The following GALNTL6 variants were observed in gnomAD, a reference collection of about 807,000 sequenced individuals.
GALNTL6 encodes polypeptide N-acetylgalactosaminyltransferase like 6.
GALNTL6 carries 46 observed loss-of-function variants against 73.7 expected under a neutral mutation model. The ratio of observed to expected loss-of-function variants is 0.62; its 90% CI spans 0.49 to 0.80. GALNTL6 has a LOEUF of 0.80. Ranked by LOEUF, GALNTL6 falls within the 30% of genes least tolerant of loss-of-function variation. The pLI, the probability that GALNTL6 is intolerant of heterozygous loss-of-function variation, is 0.00. For missense variants in GALNTL6, 604 were observed against 755.0 expected (o/e 0.80, Z 2.34); for synonymous variants, 259 against 263.7 (o/e 0.98, Z 0.17).
chr4:172,224,275 G>A (rs575401894), intron 2 of GALNTL6, among the ~76,000 whole-genome samples: 11 of 152,260 alleles, frequency 7.2e-5, no homozygotes, highest in African/African-American at 2.2e-4. Flanking sequence ...TCATATGTGA[G>A]CTGAGAGACC....
intron 2 of GALNTL6, among the ~76,000 whole-genome samples, chr4:171,932,040 T>A (rs1341735186): frequency 6.6e-6 from 1 of 152,182 alleles, no homozygotes; most frequent in African/African-American, 2.4e-5. Context: ...TGTTTTTCAT[T>A]TAATAAGTTT....
intron 5 of GALNTL6, among the ~76,000 whole-genome samples, chr4:172,636,541 A>G (rs1241367528): frequency 6.6e-6 from 1 of 152,166 alleles, no homozygotes; most frequent in East Asian, 1.9e-4. Flanking sequence ...CCATGTGACA[A>G]TGGAAGCAGA....
chr4:172,458,223 G>A (rs1385910218), intron 5 of GALNTL6, among the ~76,000 whole-genome samples: 1 of 151,972 alleles, frequency 6.6e-6, no homozygotes, highest in Non-Finnish European at 1.5e-5. Flanking sequence ...TTAAAGCAGT[G>A]TGTAGAAGGA....
chr4:172,961,644 GA>G (rs1382474621), intron 10 of GALNTL6, among the ~76,000 whole-genome samples: 1 of 152,162 alleles, frequency 6.6e-6, no homozygotes, highest in Non-Finnish European at 1.5e-5. Context: ...GAAAGAAATT[GA>G]AATTAAGAGA....
intron 12 of GALNTL6, among the ~76,000 whole-genome samples, chr4:173,035,148 G>A (rs1447015252): frequency 6.7e-6 from 1 of 149,800 alleles, no homozygotes; most frequent in East Asian, 1.9e-4. Flanking sequence ...ACAACATGCA[G>A]GTTTGTTACA....
chr4:172,156,572 C>G (rs5021105), intron 2 of GALNTL6, among the ~76,000 whole-genome samples: 52,507 of 121,826 alleles, frequency 0.43, 11,755 homozygotes, highest in African/African-American at 0.55. Flanking sequence ...TATATACATA[C>G]TATATATATA....
intron 5 of GALNTL6, among the ~76,000 whole-genome samples, chr4:172,398,983 A>G (rs1336929240): frequency 6.6e-6 from 1 of 152,020 alleles, no homozygotes; most frequent in Non-Finnish European, 1.5e-5. Flanking sequence ...AAAAAAATCA[A>G]CCTTTTAGTT....
chr4:173,015,705 A>C lies in GALNTL6; in HGVS notation c.1489-5771A>C, dbSNP rs1752753437. On this transcript the variant is annotated intron_variant, in intron 11 of 12. Transcript: ENST00000506823. ...GCATTCAGGAGGAAGCAGAGCACAA[A>C]ATTTGGAAAATTTGCAGCCTAACGA... Among the ~76,000 whole-genome samples, 3 of 152,224 alleles carry C rather than the reference A, an allele frequency of 2.0e-5. No individual in the cohort carries two copies. The South Asian group carries it at 6.2e-4, about 31-fold the overall frequency.
chr4:172,251,044 A>G (rs1737848863), intron 3 of GALNTL6, among the ~76,000 whole-genome samples: 1 of 152,102 alleles, frequency 6.6e-6, no homozygotes, highest in African/African-American at 2.4e-5. Flanking sequence ...GTTGTCCAAA[A>G]AAAATAAAAT....
chr4:172,319,747 A>T (rs1740690766), intron 4 of GALNTL6, among the ~76,000 whole-genome samples: 1 of 152,176 alleles, frequency 6.6e-6, no homozygotes, highest in Non-Finnish European at 1.5e-5. Context: ...CAAAGGTTGG[A>T]TGTCAGCATA....
At chr4:172,374,557 C>A (rs1179425174) in intron 5 of GALNTL6, among the ~76,000 whole-genome samples, 1 of 152,178 alleles carries the variant, frequency 6.6e-6, no homozygotes, top group African/African-American at 2.4e-5. Context: ...TGGTAGACAT[C>A]ATTGAGTAAT....
intron 8 of GALNTL6, among the ~76,000 whole-genome samples, chr4:172,926,662 C>G (rs1412731441): frequency 1.3e-5 from 2 of 152,206 alleles, no homozygotes; most frequent in Non-Finnish European, 2.9e-5. Context: ...CCAACAAATT[C>G]CTATCTCCCA....
intron 11 of GALNTL6, among the ~76,000 whole-genome samples, chr4:173,014,531 G>A (rs1172336512): frequency 6.6e-6 from 1 of 152,200 alleles, no homozygotes; most frequent in Non-Finnish European, 1.5e-5. Flanking sequence ...AAAGACAGAA[G>A]CAAGCAAATG....
intron 6 of GALNTL6, among the ~76,000 whole-genome samples, chr4:172,812,073 G>A (rs999498218): frequency 2.0e-5 from 3 of 151,946 alleles, no homozygotes; most frequent in Admixed American, 1.3e-4. Flanking sequence ...CAGACAGATG[G>A]AAGGATGGAT....
At chr4:172,835,503 G>A (rs960449772) in intron 7 of GALNTL6, among the ~76,000 whole-genome samples, 4 of 152,148 alleles carry the variant, frequency 2.6e-5, no homozygotes, top group African/African-American at 9.7e-5. Flanking sequence ...AATACAGTGT[G>A]GAGTCCACAC....
intron 2 of GALNTL6, chr4:171,815,080 T>A (rs1228544972): frequency 2.8e-6 from 1 of 355,910 alleles, no homozygotes; most frequent in Admixed American, 4.5e-5. Flanking sequence ...GGTTTTTGCT[T>A]TCCATTTGGC....
chr4:172,466,232 T>C (rs1436796943), intron 5 of GALNTL6, among the ~76,000 whole-genome samples: 1 of 152,146 alleles, frequency 6.6e-6, no homozygotes, highest in Admixed American at 6.5e-5. Context: ...AAAGCGTTTC[T>C]TTTACATAAA....
chr4:172,419,204 A>C (rs1033386816), intron 5 of GALNTL6, among the ~76,000 whole-genome samples: 68 of 152,142 alleles, frequency 4.5e-4, no homozygotes, highest in Admixed American at 4.5e-3. Flanking sequence ...AATAACCCTA[A>C]TATGTTACCT....
At chr4:172,156,514 T>A (rs1483218525) in intron 2 of GALNTL6, among the ~76,000 whole-genome samples, 2 of 140,112 alleles carry the variant, frequency 1.4e-5, no homozygotes, top group Non-Finnish European at 3.0e-5. Context: ...AGGCAGATAT[T>A]TGACTTTAAA....
Sources: allele counts gnomAD v4.1 joint callset (sites outside exome capture counted in the v4.1 genomes callset), GRCh38; gene constraint gnomAD v4.1.1; transcripts MANE v1.5; gene names NCBI Gene and HGNC (gene_info 2026-07-23, HGNC 2026-07-21).